Variants in CELSR2 observed in about 807,000 individuals in gnomAD.
CELSR2 encodes EGF-like protein 2.
Under a neutral mutation model 251.6 loss-of-function variants are expected in CELSR2, and 81 were observed. The ratio of observed to expected loss-of-function variants is 0.32; its 90% CI spans 0.27 to 0.39. CELSR2 has a LOEUF of 0.39. Among genes scored for constraint, CELSR2 ranks in the 10% least tolerant of loss-of-function variants. CELSR2 has a pLI of 1.00. For missense variants in CELSR2, 3,365 were observed against 3,947.7 expected, an observed-to-expected ratio of 0.85 and a Z score of 3.96; for synonymous variants, 1,721 against 1,670.5, an observed-to-expected ratio of 1.03 and a Z score of -0.74.
intron 12 of CELSR2, 87 bp downstream of exon 12, chr1:109,265,096 A>T (rs1346919434): frequency 1.9e-6 from 3 of 1,595,106 alleles, no homozygotes; most frequent in Non-Finnish European, 2.6e-6. Context: ...AGCCTGGCTG[A>T]TCCACAGCCA....
At chr1:109,259,435 G>A (rs778153303) in intron 2 of CELSR2, among the ~76,000 whole-genome samples, 4 of 152,334 alleles carry the variant, frequency 2.6e-5, no homozygotes, top group African/African-American at 9.6e-5. Flanking sequence ...GATAATGACC[G>A]TACTTAGGTC....
In CELSR2 at chr1:109,269,058, C is replaced by T; in HGVS notation, c.6631+50C>T. On this transcript the variant is annotated intron_variant, in intron 19 of 33. Transcript: ENST00000271332. The surrounding 1 kb of genome is among the most constrained non-coding windows in gnomAD (Gnocchi z 6.4). Reference sequence around the variant, plus strand: ...TGGGAGCTGGACCCCAGTGTCTGTGCAGACTCCACAGAGAGCAGGGCCCAG... The same window carrying T: ...TGGGAGCTGGACCCCAGTGTCTGTGTAGACTCCACAGAGAGCAGGGCCCAG... 4 of 1,598,438 alleles carry T rather than the reference C, an allele frequency of 2.5e-6. No individual in the cohort carries two copies. Among genetic ancestry groups the T allele is most frequent in the Non-Finnish European group, 3.4e-6 (4 of 1,169,312 alleles).
chr1:109,260,651 G>A (rs1388907980), intron 2 of CELSR2, among the ~76,000 whole-genome samples: 1 of 152,140 alleles, frequency 6.6e-6, no homozygotes, highest in African/African-American at 2.4e-5. Context: ...TTACCCTCTT[G>A]GGGGCCAGGA....
chr1:109,264,657 G>T, intron 11 of CELSR2, 29 bp downstream of exon 11: 1 of 1,601,212 alleles, frequency 6.2e-7, no homozygotes, highest in Non-Finnish European at 8.5e-7. Context: ...GCAACGGGCA[G>T]GTTATCAGGT....
rs1471339011 is a variant in CELSR2, at chr1:109,271,714, C to G, written c.7918C>G (p.Leu2640Val). 10 of 1,613,740 alleles carry G rather than the reference C, an allele frequency of 6.2e-6. No individual in the cohort carries two copies. The highest frequency in any genetic ancestry group is 8.5e-6 in the Non-Finnish European group (10 of 1,180,000). The change falls in exon 28 of 34, where the codon CTG becomes GTG. Residue 2640 changes from leucine to valine, a missense_variant. Coordinates refer to ENST00000271332, the MANE Select transcript of CELSR2 (RefSeq NM_001408.3). ...CCCTGCTCTGACCACCAAGTCCACC[C>G]TGACCTCGGTGAGGGAGCCAGGGGT... ...PDPALTTKST[L>V]TSSYNCPSPY...
Position 109,250,057 on chromosome 1 carries a change from C to A in CELSR2, c.-23C>A. 1 of 1,326,544 alleles carries A rather than the reference C, an allele frequency of 7.5e-7. No individual in the cohort carries two copies. The highest frequency in any genetic ancestry group is 2.1e-5 in the South Asian group (1 of 46,588). The allele number at this position is 1,326,544 out of a possible 1,614,324, so 82.2% of individuals were successfully genotyped here. On this transcript the variant is annotated 5_prime_UTR_variant, in exon 1 of 34. Coordinates refer to ENST00000271332, the MANE Select transcript of CELSR2 (RefSeq NM_001408.3). This position sits in a 1 kb window ranked among gnomAD's most constrained non-coding sequence, Gnocchi z 4.4. Reference sequence around the variant, plus strand: ...GGAGCCGCCGCCGCCGTTGACCCGGCCGCCGGCCGGGAGCTGGGAGAGATG... The same window carrying A: ...GGAGCCGCCGCCGCCGTTGACCCGGACGCCGGCCGGGAGCTGGGAGAGATG...
rs1367410575 is a variant in CELSR2 at position 109,249,766 on chromosome 1, AG to A, written c.-312del. ...CGGCTCCGGAACCCGGGGCCCGGCAAGGCCAGGGGCGCCGCGGGGCCCCCGG... is the reference window on the plus strand; with the variant it reads ...CGGCTCCGGAACCCGGGGCCCGGCAAGCCAGGGGCGCCGCGGGGCCCCCGG... On this transcript the variant is annotated 5_prime_UTR_variant, in exon 1 of 34. Transcript: ENST00000271332. Among the ~76,000 whole-genome samples, 1 of 149,346 alleles carries A rather than the reference AG, an allele frequency of 6.7e-6. No individual in the cohort carries two copies. Among genetic ancestry groups the A allele is most frequent in the African/African-American group, 2.4e-5 (1 of 41,070 alleles).
rs149305357 is a variant in CELSR2 at position 109,264,474 on chromosome 1, G to C, written c.5310G>C (p.Thr1770=). ...GCLQGVRVSD[T]PEGVNSLDPS... Reference sequence around the variant, plus strand: ...CCCAGGGTGTGCGGGTGAGCGATACGCCGGAGGGGGTTAACAGCCTGGATC... The same window carrying C: ...CCCAGGGTGTGCGGGTGAGCGATACCCCGGAGGGGGTTAACAGCCTGGATC... The change falls in exon 11 of 34, where the codon ACG becomes ACC. Residue 1770 remains threonine, a synonymous_variant. Coordinates refer to ENST00000271332, the MANE Select transcript of CELSR2 (RefSeq NM_001408.3). The C allele has an allele frequency of 1.2e-6, 2 of 1,613,214 alleles. No homozygotes were observed. Among genetic ancestry groups the C allele is most frequent in the South Asian group, 2.2e-5 (2 of 91,034 alleles).
At chr1:109,260,032 C>G (rs1396902617) in intron 2 of CELSR2, among the ~76,000 whole-genome samples, 1 of 151,794 alleles carries the variant, frequency 6.6e-6, no homozygotes, top group Non-Finnish European at 1.5e-5. Context: ...CAGCCATAGG[C>G]AGGCCCCACT....
In CELSR2 at chr1:109,273,277, C is replaced by T; in HGVS notation, c.8450C>T (p.Ala2817Val). 1 of 1,608,056 alleles carries T rather than the reference C, an allele frequency of 6.2e-7. No homozygotes were observed. The highest frequency in any genetic ancestry group is 8.5e-7 in the Non-Finnish European group (1 of 1,176,974). Residue 2817 changes from alanine (A) to valine (V), a missense_variant, in exon 32 of 34, where the codon GCC (alanine) becomes GTC (valine). Transcript: ENST00000271332. Reference sequence around the variant, plus strand: ...GAGCGGCTGCGGGAGAATGGAGATGCCCTGTCTCGAGAGGGGTCCCTAGGC... The same window carrying T: ...GAGCGGCTGCGGGAGAATGGAGATGTCCTGTCTCGAGAGGGGTCCCTAGGC... ...PEERLRENGD[A>V]LSREGSLGPL...
Position 109,273,678 on chromosome 1 carries a change from T to TGGG in CELSR2, c.8744+10_8744+11insGGG. The TGGG allele has an allele frequency of 1.9e-6, 1 of 518,656 alleles. No individual in the cohort carries two copies. Among genetic ancestry groups the TGGG allele is most frequent in the Non-Finnish European group, 3.3e-6 (1 of 301,272 alleles). 32.1% of individuals were successfully genotyped at this position (518,656 alleles called of 1,614,324 possible). On this transcript the variant is annotated intron_variant, in intron 33 of 33. Transcript: ENST00000271332. ...GGACTCGTCAGGCTCCGAGTGAGTG[T>TGGG]GGCCGGGTGGGCGGGACGGGGTGCA...
chr1:109,265,101 C>T (rs2101262750), intron 12 of CELSR2, 90 bp from the exon 13 acceptor site: 1 of 1,593,078 alleles, frequency 6.3e-7, no homozygotes, highest in Non-Finnish European at 8.6e-7. Flanking sequence ...GGCTGATCCA[C>T]AGCCAGGGTC....
In CELSR2 at chr1:109,265,271, A is replaced by G. The variant is rs1656154068; in HGVS notation, c.5687A>G (p.Asp1896Gly). 6.2e-7 allele frequency: 1 copy of G among 1,612,342 alleles called. No homozygotes were observed. Among genetic ancestry groups the G allele is most frequent in the Non-Finnish European group, 8.5e-7 (1 of 1,179,152 alleles). The change falls in exon 13 of 34, where the codon GAC becomes GGC. Residue 1896 changes from aspartate (D) to glycine (G), a missense_variant. Asp to Gly is a moderately conservative substitution (Grantham distance 94). Transcript: ENST00000271332. ...AACTGTGATGTCAGCAAAGGCTTTGACCCAGACTGCAACAAGACAAGCGGC... is the reference window on the plus strand; with the variant it reads ...AACTGTGATGTCAGCAAAGGCTTTGGCCCAGACTGCAACAAGACAAGCGGC... Reference protein sequence around the residue: ...PCNCDVSKGFDPDCNKTSGEC... With the variant: ...PCNCDVSKGFGPDCNKTSGEC...
At chr1:109,272,107 G>C (rs1172838518) in intron 28 of CELSR2, among the ~76,000 whole-genome samples, 171 bp from the exon 29 acceptor site, 2 of 152,146 alleles carry the variant, frequency 1.3e-5, no homozygotes, top group Admixed American at 1.3e-4. Context: ...TGGCAGAGCT[G>C]TGACCACTGC....
In CELSR2 at chr1:109,250,672, C is replaced by T; in HGVS notation, c.593C>T (p.Thr198Ile). Residue 198 changes from threonine (T) to isoleucine (I), a missense_variant, in exon 1 of 34, where the codon ACC (threonine) becomes ATC (isoleucine). Physicochemically the swap from Thr to Ile is moderately conservative, Grantham distance 89. Around this residue, in one of 5 missense-constraint regions of CELSR2, gnomAD observed 704 missense variants for 784.1 expected, o/e 0.90. Coordinates refer to ENST00000271332, the MANE Select transcript of CELSR2 (RefSeq NM_001408.3). The surrounding 1 kb of genome is among the most constrained non-coding windows in gnomAD (Gnocchi z 4.4). ...ATVPENQPAG[T>I]PVASLRAIDP... ...GTGCCGGAGAACCAGCCAGCAGGCA[C>T]CCCTGTTGCATCCCTGAGGGCCATC... is the stretch of plus-strand genomic sequence containing the variant. The T allele has an allele frequency of 6.2e-7, 1 of 1,614,114 alleles. No individual in the cohort carries two copies. The highest frequency in any genetic ancestry group is 8.5e-7 in the Non-Finnish European group (1 of 1,180,032).
At position 109,264,608 on chromosome 1, in the gene CELSR2, A is replaced by G. The variant is rs750814082; in HGVS notation, c.5444A>G (p.Tyr1815Cys). 8 of 1,613,416 alleles carry G rather than the reference A, an allele frequency of 5.0e-6. No homozygotes were observed. Among genetic ancestry groups the G allele is most frequent in the Non-Finnish European group, 6.8e-6 (8 of 1,179,394 alleles). The stretch of plus-strand genomic sequence containing the variant: ...TATTGCAGCAACGACTGGGACAGCT[A>G]TTCCTGCAGCTGTGATCCAGGTATG... ...NSYCSNDWDS[Y>C]SCSCDPGYYG... Residue 1815 changes from tyrosine (Y) to cysteine (C), a missense_variant, in exon 11 of 34, where the codon TAT (tyrosine) becomes TGT (cysteine). Coordinates refer to ENST00000271332, the MANE Select transcript of CELSR2 (RefSeq NM_001408.3).
At chr1:109,265,354 C>T (rs1656156803) in intron 13 of CELSR2, 43 bp downstream of exon 13, 2 of 1,557,152 alleles carry the variant, frequency 1.3e-6, no homozygotes, top group Non-Finnish European at 8.7e-7. Flanking sequence ...ACTTGGGCCT[C>T]TGTCCACATC....
Position 109,250,984 on chromosome 1 carries a change from TGG to T in CELSR2, c.906_907del (p.Glu303GlyfsTer4). ...TACAAGGAGAGCCTCAGGGAGAACCTGGAGGTTGGCTATGAGGTGCTCACTGT... is the reference window on the plus strand; with the variant it reads ...TACAAGGAGAGCCTCAGGGAGAACCTAGGTTGGCTATGAGGTGCTCACTGT... On this transcript the variant is annotated frameshift_variant, in exon 1 of 34. Transcript: ENST00000271332. LOFTEE classifies it high-confidence loss of function. This position sits in a 1 kb window ranked among gnomAD's most constrained non-coding sequence, Gnocchi z 4.4. 6.2e-7 allele frequency: 1 copy of T among 1,613,570 alleles called. No homozygotes were observed. Among genetic ancestry groups the T allele is most frequent in the Non-Finnish European group, 8.5e-7 (1 of 1,179,966 alleles).
Position 109,267,913 on chromosome 1 carries a change from G to A in CELSR2, c.6171G>A (p.Leu2057=). 1.2e-6 allele frequency: 2 copies of A among 1,611,250 alleles called. No individual in the cohort carries two copies. The highest frequency in any genetic ancestry group is 1.7e-6 in the Non-Finnish European group (2 of 1,179,652). The part of the protein sequence containing the change: ...LDSGRSQQLA[L]LLRNATQHTA... ...CAGGGCGCTCCCAGCAGCTAGCCCT[G>A]CTCCTGCGCAACGCCACGCAGCACA... Residue 2057 remains leucine (L), a synonymous_variant, in exon 17 of 34, where the codon CTG becomes CTA. Coordinates refer to ENST00000271332, the MANE Select transcript of CELSR2 (RefSeq NM_001408.3).
Sources: allele counts gnomAD v4.1 joint callset (sites outside exome capture counted in the v4.1 genomes callset), GRCh38; gene constraint gnomAD v4.1.1; regional missense constraint gnomAD v4.1.1; non-coding constraint Gnocchi (gnomAD v3.1); transcripts MANE v1.5; gene names NCBI Gene and HGNC (gene_info 2026-07-23, HGNC 2026-07-21).